CDH2: variants seen among roughly 807,000 people sequenced by gnomAD.
The protein encoded by CDH2 is cadherin-2.
CDH2 carries 17 observed loss-of-function variants against 92.0 expected under a neutral mutation model. That is an observed-to-expected ratio of 0.18 (90% CI 0.13 to 0.28). The LOEUF (loss-of-function observed/expected upper bound fraction) is 0.28. CDH2 is among the 10% of genes least tolerant of loss of function. The pLI is 1.00. For synonymous variants in CDH2, 419 were observed against 415.9 expected (o/e 1.01, Z -0.09); for missense variants, 862 against 1,133.1 (o/e 0.76, Z 3.44).
At chr18:28,022,716 C>T (rs2144061093) in intron 2 of CDH2, among the ~76,000 whole-genome samples, 1 of 152,180 alleles carries the variant, frequency 6.6e-6, no homozygotes, top group Non-Finnish European at 1.5e-5. Context: ...CTATTAAGTA[C>T]TTCAAAATAA....
chr18:28,009,682 T>C (rs1321457708), intron 5 of CDH2, 35 bp downstream of exon 5: 4 of 1,604,958 alleles, frequency 2.5e-6, no homozygotes, highest in African/African-American at 1.3e-5. Context: ...TTAGAACTGT[T>C]AATACACAGA....
chr18:28,034,867 A>AT (rs2013787547), intron 2 of CDH2, among the ~76,000 whole-genome samples: 1 of 152,066 alleles, frequency 6.6e-6, no homozygotes, highest in African/African-American at 2.4e-5. Context: ...TCCAAATTCT[A>AT]TATCTCATCC....
intron 5 of CDH2, among the ~76,000 whole-genome samples, chr18:28,006,550 T>C (rs1332224962): frequency 6.6e-6 from 1 of 150,882 alleles, no homozygotes; most frequent in Non-Finnish European, 1.5e-5. Flanking sequence ...AAACCCCGTC[T>C]CTACTAAAAA....
chr18:28,079,518 G>A (rs1231077116), intron 2 of CDH2, among the ~76,000 whole-genome samples: 1 of 152,126 alleles, frequency 6.6e-6, no homozygotes, highest in Non-Finnish European at 1.5e-5. Flanking sequence ...AGAGATCACA[G>A]TTTTGTTTCA....
intron 14 of CDH2, among the ~76,000 whole-genome samples, chr18:27,978,528 A>T (rs1331057039): frequency 1.3e-5 from 2 of 152,192 alleles, no homozygotes; most frequent in African/African-American, 4.8e-5. Context: ...TGTCTTAACC[A>T]AATGAAAAAT....
At position 27,934,682 on chromosome 18, in the gene CDH2, C is replaced by T. The variant is rs150172009; in HGVS notation, c.1152-1558G>A. On this transcript the variant is annotated intron_variant, in intron 6 of 6. Transcript: ENST00000675173. Reference sequence around the variant, plus strand: ...CAGCTGTGTTTTCTTTGGTCCTTGACCCCAGGATTTTTGGAACCAGTAATT... The same window carrying T: ...CAGCTGTGTTTTCTTTGGTCCTTGATCCCAGGATTTTTGGAACCAGTAATT... 8.8e-4 allele frequency among the ~76,000 whole-genome samples: 133 copies of T among 151,600 alleles called. 2 individuals are homozygous for T. The East Asian group carries it at 0.018, about 21-fold the overall frequency.
intron 14 of CDH2, among the ~76,000 whole-genome samples, chr18:27,967,860 T>A: frequency 6.6e-6 from 1 of 152,120 alleles, no homozygotes; most frequent in East Asian, 1.9e-4. Context: ...ATACAACGAG[T>A]TTAACTCAGA....
At chr18:28,117,564 A>C (rs1407061247) in intron 2 of CDH2, among the ~76,000 whole-genome samples, 3 of 152,196 alleles carry the variant, frequency 2.0e-5, no homozygotes, top group Non-Finnish European at 2.9e-5. Context: ...CAAAGAGTTT[A>C]AACTATCAAG....
downstream of CDH2, among the ~76,000 whole-genome samples, chr18:27,950,225 AAT>A (rs1472236853): frequency 6.6e-6 from 1 of 152,104 alleles, no homozygotes; most frequent in Non-Finnish European, 1.5e-5. Context: ...TTAAGCAAAA[AAT>A]ATAGTTAGAG....
chr18:28,111,396 C>T (rs2015410897), intron 2 of CDH2, among the ~76,000 whole-genome samples: 1 of 152,166 alleles, frequency 6.6e-6, no homozygotes, highest in South Asian at 2.1e-4. Flanking sequence ...ACAGAAGTGG[C>T]TTTTTAAAAG....
chr18:28,067,522 G>A (rs922356776), intron 2 of CDH2, among the ~76,000 whole-genome samples: 3 of 152,172 alleles, frequency 2.0e-5, no homozygotes, highest in African/African-American at 7.2e-5. Context: ...ACTTAGCACA[G>A]TGTTTTCAAG....
intron 2 of CDH2, among the ~76,000 whole-genome samples, chr18:28,038,244 A>G (rs1335305150): frequency 6.6e-6 from 1 of 152,032 alleles, no homozygotes; most frequent in Non-Finnish European, 1.5e-5. Context: ...GCAATATGGC[A>G]AAACTCCGTA....
Position 27,993,550 on chromosome 18 carries a change from T to A in CDH2, c.1108A>T (p.Ile370Phe), listed in dbSNP as rs765252957. Reference sequence around the variant, plus strand: ...TTGTCATTGACATCTGTCACTGTGATGACGGCCGTGGCTGTGTTTGAAAGG... The same window carrying A: ...TTGTCATTGACATCTGTCACTGTGAAGACGGCCGTGGCTGTGTTTGAAAGG... ...YGLSNTATAVITVTDVNDNPP... is the reference protein window; with the variant it reads ...YGLSNTATAVFTVTDVNDNPP... Residue 370 changes from isoleucine to phenylalanine, a missense_variant, in exon 8 of 16, where the codon ATC (isoleucine) becomes TTC (phenylalanine). Physicochemically the swap from Ile to Phe is conservative, Grantham distance 21. Coordinates refer to ENST00000269141, the MANE Select transcript of CDH2 (RefSeq NM_001792.5). 7 of 1,614,088 alleles carry A rather than the reference T, an allele frequency of 4.3e-6. No homozygotes were observed. In the South Asian group the frequency reaches 6.6e-5, roughly 15 times the overall value.
chr18:27,979,753 G>C (rs932079294), intron 14 of CDH2, among the ~76,000 whole-genome samples: 2 of 103,960 alleles, frequency 1.9e-5, no homozygotes, highest in African/African-American at 6.7e-5. Flanking sequence ...TCAAAAACAG[G>C]GGGTGCTAAT....
At chr18:27,957,700 C>T (rs149219600) in intron 15 of CDH2, among the ~76,000 whole-genome samples, 8 of 152,230 alleles carry the variant, frequency 5.3e-5, no homozygotes, top group African/African-American at 1.9e-4. Flanking sequence ...TTGTCCTGGG[C>T]GTAGTTTTTC....
Position 27,954,312 on chromosome 18 carries a change from C to A in CDH2, c.2515-1953G>T, listed in dbSNP as rs192980654. On this transcript the variant is annotated intron_variant, in intron 15 of 15. Coordinates refer to ENST00000269141, the MANE Select transcript of CDH2 (RefSeq NM_001792.5). Reference sequence around the variant, plus strand: ...TGTTACTGCCCTCAGTGATTCACTGCTCTTTTTCTGAAGGCAGAACACACA... The same window carrying A: ...TGTTACTGCCCTCAGTGATTCACTGATCTTTTTCTGAAGGCAGAACACACA... 6.2e-4 allele frequency among the ~76,000 whole-genome samples: 94 copies of A among 152,324 alleles called. No homozygotes were observed. The South Asian group carries it at 9.1e-3, about 15-fold the overall frequency.
At position 28,024,472 on chromosome 18, in the gene CDH2, T is replaced by C. The variant is rs895775693; in HGVS notation, c.173-10563A>G. 6.7e-5 allele frequency among the ~76,000 whole-genome samples: 10 copies of C among 150,050 alleles called. No homozygotes were observed. The East Asian group carries it at 1.7e-3, about 26-fold the overall frequency. ...AAATAATATAAAGTAAGTATATGTA[T>C]TTAAAATATATAGTTAAGACTATCT... On this transcript the variant is annotated intron_variant, in intron 2 of 15. Transcript: ENST00000269141.
chr18:28,027,047 G>T (rs751490210), intron 2 of CDH2, among the ~76,000 whole-genome samples: 5 of 152,106 alleles, frequency 3.3e-5, no homozygotes, highest in Non-Finnish European at 5.9e-5. Context: ...CCAGCTGGAG[G>T]TAATACAAGA....
chr18:27,957,069 T>A (rs573360768), intron 15 of CDH2, among the ~76,000 whole-genome samples: 17 of 152,168 alleles, frequency 1.1e-4, no homozygotes, highest in African/African-American at 4.1e-4. Context: ...CACTTCTATG[T>A]TGTTTATTCA....
Sources: gnomAD v4.1 joint callset for allele counts (sites outside exome capture counted in the v4.1 genomes callset) on GRCh38, gnomAD v4.1.1 for gene constraint, MANE v1.5 for transcripts, NCBI Gene and HGNC (gene_info 2026-07-23, HGNC 2026-07-21) for gene names.